CLSPN: variants seen among roughly 807,000 people sequenced by gnomAD.
CLSPN encodes claspin, also known as claspin homolog.
Under a neutral mutation model 156.3 loss-of-function variants are expected in CLSPN, and 85 were observed. The ratio of observed to expected loss-of-function variants is 0.54; its 90% CI spans 0.46 to 0.65. CLSPN has a LOEUF of 0.65. Among genes scored for constraint, CLSPN ranks in the 30% least tolerant of loss-of-function variants. CLSPN has a pLI of 0.00. For missense variants in CLSPN, 1,407 were observed against 1,554.9 expected (o/e 0.90, Z 1.60); for synonymous variants, 534 against 542.4 (o/e 0.98, Z 0.22).
At chr1:35,751,554 GT>G (rs772508869) in intron 9 of CLSPN, 48 bp from the exon 10 acceptor site, 10 of 1,561,868 alleles carry the variant, frequency 6.4e-6, no homozygotes, top group Non-Finnish European at 7.8e-6. Flanking sequence ...CAATAATTAG[GT>G]ATGCATTTTA....
rs774201383 is a variant in CLSPN, at chr1:35,748,541, A to G, written c.2336T>C (p.Ile779Thr). The part of the protein sequence containing the change: ...ESSHNSSFEL[I>T]GSTIPSYQPC... Reference sequence around the variant, plus strand: ...CTGATAGGATGGAATCGTGGAGCCAATCAGCTCAAAGCTGCTATTGTGGCT... The same window carrying G: ...CTGATAGGATGGAATCGTGGAGCCAGTCAGCTCAAAGCTGCTATTGTGGCT... The change falls in exon 13 of 25, where the codon ATT (isoleucine) becomes ACT (threonine). Residue 779 changes from isoleucine to threonine, a missense_variant. By Grantham distance (89) the Ile-to-Thr change is moderately conservative (BLOSUM62 -1). Coordinates refer to ENST00000318121, the MANE Select transcript of CLSPN (RefSeq NM_022111.4). 4 of 1,614,210 alleles carry G rather than the reference A, an allele frequency of 2.5e-6. No homozygotes were observed. The highest frequency in any genetic ancestry group is 3.4e-6 in the Non-Finnish European group (4 of 1,180,036).
intron 18 of CLSPN, among the ~76,000 whole-genome samples, chr1:35,739,783 A>T (rs1282398568): frequency 6.6e-6 from 1 of 152,214 alleles, no homozygotes; most frequent in African/African-American, 2.4e-5. Context: ...GATAATATGA[A>T]AGTGCATTTT....
chr1:35,734,965 C>A lies in CLSPN; in HGVS notation c.*1531G>T. On this transcript the variant is annotated 3_prime_UTR_variant, in exon 25 of 25. Coordinates refer to ENST00000318121, the MANE Select transcript of CLSPN (RefSeq NM_022111.4). ...GTTCAGGGAAAATGGAGAATGATGG[C>A]AATTCTCTTCAATAATATTTTTATT... The A allele has an allele frequency of 1.0e-6, 1 of 985,322 alleles. No individual in the cohort carries two copies. The highest frequency in any genetic ancestry group is 1.2e-6 in the Non-Finnish European group (1 of 829,830). 61.0% of individuals were successfully genotyped at this position (985,322 alleles called of 1,614,324 possible). A position where few individuals can be genotyped will look rare whatever the true frequency, so the allele number is the denominator to read the frequency against.
Position 35,753,941 on chromosome 1 carries a change from A to G in CLSPN, c.1580-5T>C. 6.2e-7 allele frequency: 1 copy of G among 1,613,224 alleles called. No individual in the cohort carries two copies. The highest frequency in any genetic ancestry group is 8.5e-7 in the Non-Finnish European group (1 of 1,179,488). ...GCTGCTTCAAGGCTTCCAGTTCTAAACCCAAACGCCAACCAGTGTGTCAGT... is the reference window on the plus strand; with the variant it reads ...GCTGCTTCAAGGCTTCCAGTTCTAAGCCCAAACGCCAACCAGTGTGTCAGT... On this transcript the variant is annotated splice_region_variant and splice_polypyrimidine_tract_variant and intron_variant, in intron 8 of 24. Coordinates refer to ENST00000318121, the MANE Select transcript of CLSPN (RefSeq NM_022111.4).
At position 35,749,757 on chromosome 1, in the gene CLSPN, T is replaced by C. The variant is rs1314440626; in HGVS notation, c.2083A>G (p.Met695Val). The change falls in exon 11 of 25, where the codon ATG (methionine) becomes GTG (valine). Residue 695 changes from methionine to valine, a missense_variant. By Grantham distance (21) the Met-to-Val change is conservative (BLOSUM62 1). This residue lies in a region of CLSPN where 1,096 missense variants were observed against 1,193.0 expected (regional missense o/e 0.92). Transcript: ENST00000318121. ...CTGCCATCATTATTTTCTTTATCCATTTCTTTTTCATCTTTTGTTTCTATT... is the reference window on the plus strand; with the variant it reads ...CTGCCATCATTATTTTCTTTATCCACTTCTTTTTCATCTTTTGTTTCTATT... Reference protein sequence around the residue: ...EEIETKDEKEMDKENNDGSSE... With the variant: ...EEIETKDEKEVDKENNDGSSE... 7.4e-6 allele frequency: 12 copies of C among 1,614,100 alleles called. No individual in the cohort carries two copies. The highest frequency in any genetic ancestry group is 1.0e-5 in the Non-Finnish European group (12 of 1,179,962).
chr1:35,732,367 G>GTCTCCCAGCCTGAGCATTAGAAAC lies in CLSPN; in HGVS notation c.*4105_*4128dup. The GTCTCCCAGCCTGAGCATTAGAAAC allele has an allele frequency of 2.0e-6, 2 of 985,352 alleles. No individual in the cohort carries two copies. The highest frequency in any genetic ancestry group is 2.4e-6 in the Non-Finnish European group (2 of 829,914). The allele number at this position is 985,352 out of a possible 1,614,324, so 61.0% of individuals were successfully genotyped here. On this transcript the variant is annotated 3_prime_UTR_variant, in exon 25 of 25. Coordinates refer to ENST00000318121, the MANE Select transcript of CLSPN (RefSeq NM_022111.4). ...AAAAACCAAAAACACCCCCTAAAAA[G>GTCTCCCAGCCTGAGCATTAGAAAC]TCTCCCAGCCTGAGCATTAGAAACT...
intron 8 of CLSPN, among the ~76,000 whole-genome samples, chr1:35,758,698 C>G (rs1160521820): frequency 6.6e-6 from 1 of 151,934 alleles, no homozygotes; most frequent in African/African-American, 2.4e-5. Flanking sequence ...ATAGTAGAAG[C>G]AGCAACAACT....
chr1:35,749,000 T>A (rs564159911), intron 12 of CLSPN, among the ~76,000 whole-genome samples: 1 of 151,944 alleles, frequency 6.6e-6, no homozygotes, highest in African/African-American at 2.4e-5. Flanking sequence ...TAATTTTTTA[T>A]ATTTTTAGTA....
In CLSPN at chr1:35,749,784, CTTCACTACTAAGAAGGAA is replaced by C; in HGVS notation, c.2038_2055del (p.Phe680_Glu685del). The stretch of plus-strand genomic sequence containing the variant: ...TCTTTTTCATCTTTTGTTTCTATTT[CTTCACTACTAAGAAGGAA>C]TTCTGCAGTCTTTACCAATCAGGCC... On this transcript the variant is annotated inframe_deletion, in exon 11 of 25. Coordinates refer to ENST00000318121, the MANE Select transcript of CLSPN (RefSeq NM_022111.4). 1 of 1,613,968 alleles carries C rather than the reference CTTCACTACTAAGAAGGAA, an allele frequency of 6.2e-7. No individual in the cohort carries two copies. Among genetic ancestry groups the C allele is most frequent in the Middle Eastern group, 1.6e-4 (1 of 6,062 alleles).
rs761295225 is a variant in CLSPN at position 35,762,075 on chromosome 1, A to G, written c.823-5T>C. The G allele has an allele frequency of 1.9e-6, 3 of 1,590,372 alleles. No individual in the cohort carries two copies. The highest frequency in any genetic ancestry group is 2.6e-6 in the Non-Finnish European group (3 of 1,158,982). ...TAATCTGGCTGCCTTTCTTTCCTTA[A>G]AGAAAACAAGAAGTGAGACTACATT... On this transcript the variant is annotated splice_polypyrimidine_tract_variant and splice_region_variant and intron_variant, in intron 5 of 24. Coordinates refer to ENST00000318121, the MANE Select transcript of CLSPN (RefSeq NM_022111.4).
At position 35,739,514 on chromosome 1, in the gene CLSPN, G is replaced by A; in HGVS notation, c.3159C>T (p.Tyr1053=). 1 of 1,612,686 alleles carries A rather than the reference G, an allele frequency of 6.2e-7. No homozygotes were observed. Among genetic ancestry groups the A allele is most frequent in the African/African-American group, 1.3e-5 (1 of 74,934 alleles). Residue 1053 remains tyrosine (Y), a synonymous_variant, in exon 19 of 25, where the codon TAC becomes TAT. Transcript: ENST00000318121. ...CTGACACCTCTGCCTCATCCTCCAG[G>A]TATTTCCTCAACCTCCTAGAAAGCA... ...KLKRQMRLRK[Y]LEDEAEVSGS... is the part of the protein sequence containing the mutation.
chr1:35,729,386 C>G (rs969884565), downstream of CLSPN, among the ~76,000 whole-genome samples: 10 of 152,234 alleles, frequency 6.6e-5, no homozygotes, highest in African/African-American at 2.4e-4. Flanking sequence ...CTTCCAATCA[C>G]CCTTAGGCTG....
intron 24 of CLSPN, 50 bp from the exon 25 acceptor site, chr1:35,736,656 A>G (rs763874237): frequency 6.4e-7 from 1 of 1,551,468 alleles, no homozygotes; most frequent in Non-Finnish European, 8.7e-7. Context: ...TCATACAAGT[A>G]TTTACCTTCA....
chr1:35,733,946 C>G lies in CLSPN; in HGVS notation c.*2550G>C. Reference sequence around the variant, plus strand: ...AGTGAGCTATGATTGTGCCACTGCACTCTAACCTGGGCAACAGAATGAGAC... The same window carrying G: ...AGTGAGCTATGATTGTGCCACTGCAGTCTAACCTGGGCAACAGAATGAGAC... On this transcript the variant is annotated 3_prime_UTR_variant, in exon 25 of 25. Coordinates refer to ENST00000318121, the MANE Select transcript of CLSPN (RefSeq NM_022111.4). The G allele has an allele frequency of 4.2e-6, 4 of 950,996 alleles. No individual in the cohort carries two copies. Among genetic ancestry groups the G allele is most frequent in the Non-Finnish European group, 3.8e-6 (3 of 798,526 alleles). The allele number at this position is 950,996 out of a possible 1,614,324, so 58.9% of individuals were successfully genotyped here.
At chr1:35,760,314 G>A in intron 8 of CLSPN, 28 bp downstream of exon 8, 2 of 1,566,950 alleles carry the variant, frequency 1.3e-6, no homozygotes, top group Non-Finnish European at 1.7e-6. Flanking sequence ...ATCACTCCAG[G>A]GAGGCTCCCC....
chr1:35,751,210 C>T (rs1481821883), intron 10 of CLSPN, 40 bp downstream of exon 10: 6 of 1,582,642 alleles, frequency 3.8e-6, no homozygotes, highest in Non-Finnish European at 5.1e-6. Context: ...CTCTCATATT[C>T]ACCATGACAA....
At chr1:35,755,266 A>ATT (rs1247342098) in intron 8 of CLSPN, among the ~76,000 whole-genome samples, 15 of 137,606 alleles carry the variant, frequency 1.1e-4, no homozygotes, top group East Asian at 4.2e-4. Flanking sequence ...TATCCAGCTA[A>ATT]TTTTTTTTTT....
At chr1:35,768,137 A>T (rs1642734101) in intron 1 of CLSPN, among the ~76,000 whole-genome samples, 2 of 152,172 alleles carry the variant, frequency 1.3e-5, no homozygotes, top group African/African-American at 4.8e-5. Flanking sequence ...TGGGAGGCCG[A>T]GGTGGGTGGA....
chr1:35,765,423 C>A, intron 1 of CLSPN, 97 bp from the exon 2 acceptor site: 1 of 763,252 alleles, frequency 1.3e-6, no homozygotes, highest in South Asian at 1.6e-5. Context: ...TCAACCTGAA[C>A]TAAGGAAAGA....
Sources: gnomAD v4.1 joint callset for allele counts (sites outside exome capture counted in the v4.1 genomes callset) on GRCh38, gnomAD v4.1.1 for gene constraint, gnomAD v4.1.1 regional missense constraint, MANE v1.5 for transcripts, NCBI Gene and HGNC (gene_info 2026-07-23, HGNC 2026-07-21) for gene names.